Variants in COG5 observed in about 807,000 individuals in gnomAD.
COG5 encodes the protein conserved oligomeric Golgi complex subunit 5.
Under a neutral mutation model 110.4 loss-of-function variants are expected in COG5, and 86 were observed. The observed-to-expected ratio is 0.78, with a 90% confidence interval of 0.65 to 0.93. COG5 has a LOEUF of 0.93. COG5 is among the 40% of genes least tolerant of loss of function. The pLI is 0.00. For synonymous variants in COG5, 360 were observed against 334.6 expected, an observed-to-expected ratio of 1.08 and a Z score of -0.83; for missense variants, 1,077 against 987.0, an observed-to-expected ratio of 1.09 and a Z score of -1.22.
chr7:107,507,905 G>A (rs1799148193), intron 6 of COG5, among the ~76,000 whole-genome samples: 1 of 152,250 alleles, frequency 6.6e-6, no homozygotes, highest in South Asian at 2.1e-4. Context: ...TCTCTCATGG[G>A]GTGGGTGGAG....
intron 6 of COG5, among the ~76,000 whole-genome samples, chr7:107,513,168 C>T (rs1799659474): frequency 6.6e-6 from 1 of 151,986 alleles, no homozygotes; most frequent in African/African-American, 2.4e-5. Flanking sequence ...GGCTAATATC[C>T]AGAATCTACA....
chr7:107,382,147 G>T (rs545675022), intron 7 of COG5, among the ~76,000 whole-genome samples: 1 of 152,170 alleles, frequency 6.6e-6, no homozygotes, highest in East Asian at 1.9e-4. Flanking sequence ...CAGCTACTCA[G>T]TCCCTGTACA....
At chr7:107,352,928 T>C (rs559336635) in intron 10 of COG5, among the ~76,000 whole-genome samples, 5 of 152,324 alleles carry the variant, frequency 3.3e-5, no homozygotes, top group East Asian at 1.9e-4. Flanking sequence ...TGTTTTCCAA[T>C]GTGTGGATCC....
chr7:107,397,408 A>C (rs1791094151), intron 7 of COG5, among the ~76,000 whole-genome samples: 1 of 152,154 alleles, frequency 6.6e-6, no homozygotes, highest in Non-Finnish European at 1.5e-5. Context: ...CACCACCTAC[A>C]CCCAGTCAAA....
chr7:107,248,395 C>G lies in COG5; in HGVS notation c.1853+1G>C, dbSNP rs1237315874. On this transcript the variant is annotated splice_donor_variant, in intron 17 of 21. Coordinates refer to ENST00000297135, the MANE Select transcript of COG5 (RefSeq NM_006348.5). LOFTEE classifies it high-confidence loss of function. Reference sequence around the variant, plus strand: ...GTAAAAATTTGGTTAGAAGTAATTACCCAGAAAAGTCTTCTTGATGCATGG... The same window carrying G: ...GTAAAAATTTGGTTAGAAGTAATTAGCCAGAAAAGTCTTCTTGATGCATGG... 6.3e-7 allele frequency: 1 copy of G among 1,591,168 alleles called. No homozygotes were observed. Among genetic ancestry groups the G allele is most frequent in the African/African-American group, 1.3e-5 (1 of 74,206 alleles).
At chr7:107,399,100 T>C (rs943991406) in intron 7 of COG5, among the ~76,000 whole-genome samples, 2 of 151,950 alleles carry the variant, frequency 1.3e-5, no homozygotes, top group East Asian at 1.9e-4. Flanking sequence ...TACTCGGAAG[T>C]CTGAGGCAGG....
intron 7 of COG5, among the ~76,000 whole-genome samples, chr7:107,386,559 T>TG (rs980661482): frequency 5.9e-5 from 9 of 152,102 alleles, no homozygotes; most frequent in African/African-American, 2.2e-4. Context: ...TCTCCAAGTT[T>TG]GGGGGGGATT....
chr7:107,365,917 C>T (rs1222712641), intron 8 of COG5, among the ~76,000 whole-genome samples: 1 of 152,020 alleles, frequency 6.6e-6, no homozygotes, highest in Non-Finnish European at 1.5e-5. Flanking sequence ...CAGGTATCTC[C>T]CTTCAGCCAT....
At chr7:107,301,059 G>A (rs930381191) in intron 11 of COG5, among the ~76,000 whole-genome samples, 3 of 152,120 alleles carry the variant, frequency 2.0e-5, no homozygotes, top group African/African-American at 7.2e-5. Flanking sequence ...ACAGGGTAGA[G>A]TTCAACAAAT....
chr7:107,472,368 A>C (rs762688413), intron 6 of COG5: 3 of 152,036 alleles, frequency 2.0e-5, no homozygotes, highest in Non-Finnish European at 4.4e-5. Flanking sequence ...TGTCATAGTG[A>C]ACCAAAAGGC....
At chr7:107,387,164 G>A (rs1790272710) in intron 7 of COG5, among the ~76,000 whole-genome samples, 1 of 152,158 alleles carries the variant, frequency 6.6e-6, no homozygotes, top group Non-Finnish European at 1.5e-5. Context: ...AGAGGCCAGA[G>A]CCCCATGGTC....
At chr7:107,517,664 C>A (rs1054753244) in intron 6 of COG5, among the ~76,000 whole-genome samples, 8 of 151,606 alleles carry the variant, frequency 5.3e-5, no homozygotes, top group Non-Finnish European at 1.5e-5. Flanking sequence ...AGAAACTCTA[C>A]AAGCCAGAAG....
chr7:107,324,143 T>C (rs1251481628), intron 11 of COG5, among the ~76,000 whole-genome samples: 2 of 152,158 alleles, frequency 1.3e-5, no homozygotes, highest in Non-Finnish European at 2.9e-5. Flanking sequence ...CTTTACACAC[T>C]CTACGTAGGA....
intron 6 of COG5, among the ~76,000 whole-genome samples, chr7:107,497,984 A>C (rs1005077464): frequency 2.6e-5 from 4 of 152,210 alleles, no homozygotes; most frequent in Admixed American, 2.6e-4. Flanking sequence ...AAATTCATGC[A>C]TATATGATAA....
At chr7:107,532,349 A>G (rs2520260) in intron 5 of COG5, among the ~76,000 whole-genome samples, 42,884 of 152,006 alleles carry the variant, frequency 0.28, 6,090 homozygotes, top group East Asian at 0.33. Context: ...GGACCACTGC[A>G]CCCAGGCAGA....
At chr7:107,304,024 T>C (rs888078457) in intron 11 of COG5, among the ~76,000 whole-genome samples, 32 of 152,316 alleles carry the variant, frequency 2.1e-4, no homozygotes, top group African/African-American at 7.7e-4. Flanking sequence ...TAATTACTAT[T>C]AAAACAATAT....
intron 3 of COG5, among the ~76,000 whole-genome samples, chr7:107,549,980 A>G (rs1202840011): frequency 6.6e-6 from 1 of 152,044 alleles, no homozygotes; most frequent in African/African-American, 2.4e-5. Flanking sequence ...ATATCTGCCT[A>G]TGTTCTCATT....
chr7:107,413,627 A>C (rs754791965), intron 6 of COG5, among the ~76,000 whole-genome samples: 5 of 152,030 alleles, frequency 3.3e-5, no homozygotes, highest in African/African-American at 4.8e-5. Flanking sequence ...ATGATACTAA[A>C]TTTCCCCTCC....
At chr7:107,336,298 G>A (rs144412886) in intron 10 of COG5, among the ~76,000 whole-genome samples, 1 of 152,152 alleles carries the variant, frequency 6.6e-6, no homozygotes, top group African/African-American at 2.4e-5. Flanking sequence ...CACAGAAACA[G>A]AAATATTGCA....
Sources: allele counts gnomAD v4.1 joint callset (sites outside exome capture counted in the v4.1 genomes callset), GRCh38; gene constraint gnomAD v4.1.1; transcripts MANE v1.5; gene names NCBI Gene and HGNC (gene_info 2026-07-23, HGNC 2026-07-21).